NFIB: variants seen among roughly 807,000 people sequenced by gnomAD.
NFIB encodes the protein nuclear factor I B.
In NFIB, 11 loss-of-function variants were observed where a neutral mutation model predicts 61.5. That is an observed-to-expected ratio of 0.18 (90% CI 0.11 to 0.30). The LOEUF is 0.30. NFIB is among the 10% of genes least tolerant of loss of function. The pLI is 1.00. For missense variants in NFIB, 471 were observed against 608.9 expected (o/e 0.77, Z 2.38); for synonymous variants, 260 against 216.5 (o/e 1.20, Z -1.76).
chr9:14,230,785 G>C (rs777675269), intron 2 of NFIB, among the ~76,000 whole-genome samples: 1 of 152,072 alleles, frequency 6.6e-6, no homozygotes, highest in Admixed American at 6.6e-5. Context: ...TGAGAAACAA[G>C]TTTGGAAAGG....
intron 6 of NFIB, among the ~76,000 whole-genome samples, chr9:14,139,221 T>A (rs1396411310): frequency 6.6e-6 from 1 of 152,196 alleles, no homozygotes; most frequent in Non-Finnish European, 1.5e-5. Flanking sequence ...GCCTCTCTGA[T>A]CCTTGGACTA....
At chr9:14,485,010 A>G in the NFIB span, among the ~76,000 whole-genome samples, 3 of 151,804 alleles carry the variant, frequency 2.0e-5, no homozygotes, top group Admixed American at 2.0e-4. Context: ...GAGAGAGAGA[A>G]AGAGAGAGAG....
intron 2 of NFIB, among the ~76,000 whole-genome samples, chr9:14,280,544 G>A (rs2058302462): frequency 6.6e-6 from 1 of 152,152 alleles, no homozygotes; most frequent in Non-Finnish European, 1.5e-5. Flanking sequence ...TATCAGATTA[G>A]TGCTCCTGTG....
the NFIB span, among the ~76,000 whole-genome samples, chr9:14,440,104 G>A: frequency 3.3e-5 from 5 of 152,172 alleles, no homozygotes; most frequent in African/African-American, 9.7e-5. Context: ...TTATAGTGGT[G>A]ACAATGAGCT....
At chr9:14,345,535 G>A (rs112323058) in intron 1 of NFIB, among the ~76,000 whole-genome samples, 2 of 152,308 alleles carry the variant, frequency 1.3e-5, no homozygotes, top group African/African-American at 4.8e-5. Context: ...TAGGGAAAGG[G>A]AAGCAGGGGT....
chr9:14,485,546 A>C, the NFIB span, among the ~76,000 whole-genome samples: 1 of 152,220 alleles, frequency 6.6e-6, no homozygotes, highest in East Asian at 1.9e-4. Context: ...AATTCCAGAC[A>C]CTGCTAGGAT....
At chr9:14,521,953 G>C in the NFIB span, among the ~76,000 whole-genome samples, 2 of 152,168 alleles carry the variant, frequency 1.3e-5, no homozygotes, top group Admixed American at 1.3e-4. Context: ...CTATTGTTTG[G>C]AATTCCCTAT....
chr9:14,281,930 G>T (rs1442362517), intron 2 of NFIB, among the ~76,000 whole-genome samples: 1 of 152,000 alleles, frequency 6.6e-6, no homozygotes, highest in Non-Finnish European at 1.5e-5. Flanking sequence ...AACAAAAAAT[G>T]GATGCTGCAT....
intron 2 of NFIB, among the ~76,000 whole-genome samples, chr9:14,200,381 G>C (rs1167420905): frequency 1.3e-5 from 2 of 152,126 alleles, no homozygotes; most frequent in Admixed American, 6.5e-5. Context: ...TTTCAGTGAA[G>C]TTAGACCAAG....
intron 2 of NFIB, among the ~76,000 whole-genome samples, chr9:14,203,682 G>A (rs1048134708): frequency 2.0e-4 from 30 of 152,192 alleles, no homozygotes; most frequent in African/African-American, 7.0e-4. Flanking sequence ...CCAAGGCAGG[G>A]TCTAAAGTCT....
intron 2 of NFIB, among the ~76,000 whole-genome samples, chr9:14,288,611 C>G (rs1376937078): frequency 6.6e-6 from 1 of 152,084 alleles, no homozygotes. Flanking sequence ...CTCTCCGTGA[C>G]CTTTCCATTG....
intron 1 of NFIB, among the ~76,000 whole-genome samples, chr9:14,331,809 C>A (rs2060824199): frequency 6.6e-6 from 1 of 152,096 alleles, no homozygotes; most frequent in African/African-American, 2.4e-5. Flanking sequence ...GTTTGGGGAT[C>A]AAAATTTTTC....
chr9:14,174,333 C>T (rs748631284), intron 3 of NFIB, among the ~76,000 whole-genome samples: 14 of 152,104 alleles, frequency 9.2e-5, no homozygotes, highest in Non-Finnish European at 1.9e-4. Flanking sequence ...TATTTATAGT[C>T]GAATGCACAT....
At chr9:14,113,142 TC>T in intron 9 of NFIB, 61 bp from the exon 10 acceptor site, 1 of 1,449,542 alleles carries the variant, frequency 6.9e-7, no homozygotes. Flanking sequence ...GAACACCCTG[TC>T]CATGTATAAG....
chr9:14,424,125 G>T, the NFIB span, among the ~76,000 whole-genome samples: 1 of 152,088 alleles, frequency 6.6e-6, no homozygotes, highest in African/African-American at 2.4e-5. Context: ...TCATAACACC[G>T]ATGCCATGAT....
chr9:14,521,202 G>C, the NFIB span, among the ~76,000 whole-genome samples: 2 of 152,142 alleles, frequency 1.3e-5, no homozygotes, highest in Non-Finnish European at 1.5e-5. Flanking sequence ...AATTATGCAG[G>C]AACTATTTTT....
At chr9:14,308,997 A>G (rs1328751581) in intron 1 of NFIB, among the ~76,000 whole-genome samples, 1 of 152,216 alleles carries the variant, frequency 6.6e-6, no homozygotes, top group Non-Finnish European at 1.5e-5. Flanking sequence ...GTACGCAATA[A>G]GCCAAGATTT....
chr9:14,339,604 G>T (rs929685189), intron 1 of NFIB, among the ~76,000 whole-genome samples: 3 of 152,116 alleles, frequency 2.0e-5, no homozygotes, highest in African/African-American at 4.8e-5. Flanking sequence ...ATTAGCTATT[G>T]TTTATTCCCT....
the NFIB span, among the ~76,000 whole-genome samples, chr9:14,448,034 T>A: frequency 6.6e-6 from 1 of 152,190 alleles, no homozygotes; most frequent in South Asian, 2.1e-4. Flanking sequence ...ATAGAAAACT[T>A]GACTGAGAAT....
Sources: gnomAD v4.1 joint callset for allele counts (sites outside exome capture counted in the v4.1 genomes callset) on GRCh38, gnomAD v4.1.1 for gene constraint, MANE v1.5 for transcripts, NCBI Gene and HGNC (gene_info 2026-07-23, HGNC 2026-07-21) for gene names.